The following KLC2 variants were observed in gnomAD, a reference collection of about 807,000 sequenced individuals.
The protein encoded by KLC2 is KLC 2.
A neutral mutation model predicts 75.1 loss-of-function variants in KLC2; 35 were observed. That is an observed-to-expected ratio of 0.47 (90% CI 0.36 to 0.62). The LOEUF is 0.62. Ranked by LOEUF, KLC2 falls within the 20% of genes least tolerant of loss-of-function variation. The pLI, the probability that KLC2 is intolerant of heterozygous loss-of-function variation, is 0.00. For synonymous variants in KLC2, 314 were observed against 336.7 expected, an observed-to-expected ratio of 0.93 and a Z score of 0.74; for missense variants, 611 against 833.2, an observed-to-expected ratio of 0.73 and a Z score of 3.28.
At chr11:66,264,646 C>T (rs1856688705) in intron 9 of KLC2, 1 of 601,086 alleles carries the variant, frequency 1.7e-6, no homozygotes. Context: ...GCCCCCTTGG[C>T]CTGCTAGGGC....
chr11:66,258,713 C>T lies in KLC2; in HGVS notation c.119C>T (p.Ala40Val). ...TLRGEHRALL[A>V]PLVAPEAGEA... ...CGTGGGGAGCATCGTGCCCTGCTGG[C>T]TCCTCTGGTTGCACCTGAGGCCGGC... The change falls in exon 2 of 16, where the codon GCT (alanine) becomes GTT (valine). Residue 40 changes from alanine (A) to valine (V), a missense_variant. Ala to Val is a moderately conservative substitution (Grantham distance 64). Coordinates refer to ENST00000394067, the MANE Select transcript of KLC2 (RefSeq NM_001318734.2). 3.1e-6 allele frequency: 5 copies of T among 1,613,750 alleles called. No homozygotes were observed. The highest frequency in any genetic ancestry group is 4.2e-6 in the Non-Finnish European group (5 of 1,179,948).
upstream of KLC2, among the ~76,000 whole-genome samples, chr11:66,255,184 T>C (rs1343126542): frequency 6.6e-6 from 1 of 152,194 alleles, no homozygotes; most frequent in East Asian, 1.9e-4. Flanking sequence ...CAGTGCAACA[T>C]ATATGTAGGT....
chr11:66,254,918 C>CGGG (rs1184923071), upstream of KLC2, among the ~76,000 whole-genome samples: 2 of 151,650 alleles, frequency 1.3e-5, no homozygotes, highest in Non-Finnish European at 2.9e-5. Context: ...GAGCATGACT[C>CGGG]CATCTCAAAA....
chr11:66,245,857 G>A, the KLC2 span, among the ~76,000 whole-genome samples: 1 of 152,260 alleles, frequency 6.6e-6, no homozygotes, highest in Non-Finnish European at 1.5e-5. Flanking sequence ...ACTCCAGCCT[G>A]GACGACAGAA....
Position 66,267,405 on chromosome 11 carries a change from C to T in KLC2, c.*449C>T, listed in dbSNP as rs1409402862. 2 of 718,134 alleles carry T rather than the reference C, an allele frequency of 2.8e-6. No individual in the cohort carries two copies. Among genetic ancestry groups the T allele is most frequent in the South Asian group, 3.0e-5 (2 of 67,610 alleles). The allele number at this position is 718,134 out of a possible 1,614,324, so 44.5% of individuals were successfully genotyped here. A position where few individuals can be genotyped will look rare whatever the true frequency, so the allele number is the denominator to read the frequency against. ...CCACGGTACTACCCGGGCCTCCCCT[C>T]GTCCCTCTTCTAGTGGTACCGCCCA... On this transcript the variant is annotated 3_prime_UTR_variant, in exon 16 of 16. Coordinates refer to ENST00000394067, the MANE Select transcript of KLC2 (RefSeq NM_001318734.2).
chr11:66,248,198 A>G, the KLC2 span, among the ~76,000 whole-genome samples: 1 of 152,244 alleles, frequency 6.6e-6, no homozygotes, highest in Non-Finnish European at 1.5e-5. Context: ...GATTTATGGA[A>G]AAGTTGCAAA....
In KLC2 at chr11:66,262,199, A is replaced by T. The variant is rs1274439723; in HGVS notation, c.529+7A>T. 6.2e-7 allele frequency: 1 copy of T among 1,611,774 alleles called. No homozygotes were observed. Among genetic ancestry groups the T allele is most frequent in the Non-Finnish European group, 8.5e-7 (1 of 1,178,532 alleles). ...GAGGATGAGCAGAGCCCAGGTGCGG[A>T]TGGGCAGTTCTGGAGTGGGGGAAGG... On this transcript the variant is annotated splice_region_variant and intron_variant, in intron 4 of 15. Coordinates refer to ENST00000394067, the MANE Select transcript of KLC2 (RefSeq NM_001318734.2).
chr11:66,264,708 A>G, intron 9 of KLC2: 1 of 583,864 alleles, frequency 1.7e-6, no homozygotes, highest in Non-Finnish European at 3.1e-6. Context: ...GCTCACCTTG[A>G]GGGCCTGCCC....
the KLC2 span, among the ~76,000 whole-genome samples, chr11:66,252,207 G>T: frequency 6.6e-6 from 1 of 152,326 alleles, no homozygotes; most frequent in South Asian, 2.1e-4. Context: ...AAGCTTGATG[G>T]TGATGAGAAT....
rs1856528030 is a variant in KLC2 at position 66,262,802 on chromosome 11, T to G, written c.530-12T>G. 1 of 1,601,226 alleles carries G rather than the reference T, an allele frequency of 6.2e-7. No homozygotes were observed. Among genetic ancestry groups the G allele is most frequent in the African/African-American group, 1.3e-5 (1 of 74,688 alleles). Reference sequence around the variant, plus strand: ...AGATGGTACATCTGACCTCCTGCCCTTGGCCCTGCAGCCCCTAGCCCAGGA... The same window carrying G: ...AGATGGTACATCTGACCTCCTGCCCGTGGCCCTGCAGCCCCTAGCCCAGGA... On this transcript the variant is annotated splice_polypyrimidine_tract_variant and intron_variant, in intron 4 of 15. Coordinates refer to ENST00000394067, the MANE Select transcript of KLC2 (RefSeq NM_001318734.2).
chr11:66,255,919 C>T (rs1297779603), upstream of KLC2, among the ~76,000 whole-genome samples: 2 of 152,076 alleles, frequency 1.3e-5, no homozygotes, highest in African/African-American at 4.8e-5. Flanking sequence ...GCGTGCGCCA[C>T]CACGCACAGC....
At chr11:66,247,974 G>A in the KLC2 span, among the ~76,000 whole-genome samples, 5 of 152,028 alleles carry the variant, frequency 3.3e-5, no homozygotes, top group African/African-American at 1.2e-4. Flanking sequence ...GGACAGTTTG[G>A]AGCACAAGGC....
In KLC2 at chr11:66,267,259, A is replaced by ACCATAGACTCAGTGGCCTG; in HGVS notation, c.*303_*304insCCATAGACTCAGTGGCCTG. On this transcript the variant is annotated 3_prime_UTR_variant, in exon 16 of 16. Transcript: ENST00000394067. ...CAGTGGCCTGGCCTCCCCAGACCCCAGAGCCAAGAACACTAAGCACTCGCC... is the reference window on the plus strand; with the variant it reads ...CAGTGGCCTGGCCTCCCCAGACCCCACCATAGACTCAGTGGCCTGGAGCCAAGAACACTAAGCACTCGCC... The ACCATAGACTCAGTGGCCTG allele has an allele frequency of 7.3e-7, 1 of 1,361,390 alleles. No homozygotes were observed. Among genetic ancestry groups the ACCATAGACTCAGTGGCCTG allele is most frequent in the Non-Finnish European group, 1.0e-6 (1 of 974,516 alleles). 84.3% of individuals were successfully genotyped at this position (1,361,390 alleles called of 1,614,324 possible).
chr11:66,246,553 C>A, the KLC2 span, among the ~76,000 whole-genome samples: 5 of 152,294 alleles, frequency 3.3e-5, no homozygotes, highest in Admixed American at 3.3e-4. Flanking sequence ...GGGTTCTCCC[C>A]TCTGCCAGGA....
upstream of KLC2, among the ~76,000 whole-genome samples, chr11:66,256,236 A>T (rs1856030898): frequency 1.3e-5 from 2 of 151,660 alleles, no homozygotes. Flanking sequence ...AAGAAAATAA[A>T]TTGGAAAAAA....
chr11:66,257,387 G>A (rs953525563), upstream of KLC2: 1 of 152,242 alleles, frequency 6.6e-6, no homozygotes, highest in Non-Finnish European at 1.5e-5. Context: ...CGCAGTAGGC[G>A]CTCAGTTAGT....
chr11:66,260,010 G>A (rs1356762284), intron 2 of KLC2, among the ~76,000 whole-genome samples: 1 of 152,130 alleles, frequency 6.6e-6, no homozygotes, highest in Non-Finnish European at 1.5e-5. Flanking sequence ...GGAGCCATTG[G>A]GATGTACAAG....
the KLC2 span, among the ~76,000 whole-genome samples, chr11:66,250,935 ACT>A: frequency 2.0e-5 from 3 of 152,172 alleles, no homozygotes; most frequent in Admixed American, 1.3e-4. Context: ...AGGACTGCAC[ACT>A]CTGTCCTGAG....
chr11:66,264,129 G>A lies in KLC2; in HGVS notation c.1026G>A (p.Glu342=), dbSNP rs764821732. ...GCCAGAACCAGGGCAAAGCTGAGGA[G>A]GTGGAATATTACTATCGGCGGGCAC... ...LLCQNQGKAE[E]VEYYYRRALE... Residue 342 remains glutamate, a synonymous_variant, in exon 8 of 16, where the codon GAG becomes GAA. Transcript: ENST00000394067. The A allele has an allele frequency of 2.5e-6, 4 of 1,597,938 alleles. No homozygotes were observed. In the African/African-American group the frequency reaches 5.4e-5, roughly 21 times the overall value.
Sources: gnomAD v4.1 joint callset for allele counts (sites outside exome capture counted in the v4.1 genomes callset) on GRCh38, gnomAD v4.1.1 for gene constraint, MANE v1.5 for transcripts, NCBI Gene and HGNC (gene_info 2026-07-23, HGNC 2026-07-21) for gene names.